Variants in KCNK9 observed in about 807,000 individuals in gnomAD.
KCNK9 encodes potassium two pore domain channel subfamily K member 9.
KCNK9 carries 1 observed loss-of-function variant against 10.8 expected under a neutral mutation model. The ratio of observed to expected loss-of-function variants is 0.09; its 90% CI spans 0.03 to 0.44. The LOEUF is 0.44. KCNK9 is among the 20% of genes least tolerant of loss of function. The pLI, the probability that KCNK9 is intolerant of heterozygous loss-of-function variation, is 0.97. For missense variants in KCNK9, 303 were observed against 515.0 expected (o/e 0.59, Z 3.98); for synonymous variants, 231 against 222.7 (o/e 1.04, Z -0.33).
chr8:139,609,655 T>C (rs1031180282), downstream of KCNK9, among the ~76,000 whole-genome samples: 4 of 152,206 alleles, frequency 2.6e-5, no homozygotes, highest in Non-Finnish European at 4.4e-5. Flanking sequence ...GGGCACCTCA[T>C]GTGGTGAGGA....
At chr8:139,631,387 C>A (rs1815167270) in intron 1 of KCNK9, among the ~76,000 whole-genome samples, 1 of 152,224 alleles carries the variant, frequency 6.6e-6, no homozygotes, top group Admixed American at 6.5e-5. Flanking sequence ...GGTATTCTCT[C>A]TGTGGCACGG....
At chr8:139,700,750 C>T (rs1817199629) in intron 1 of KCNK9, among the ~76,000 whole-genome samples, 1 of 152,156 alleles carries the variant, frequency 6.6e-6, no homozygotes, top group African/African-American at 2.4e-5. Context: ...GAGTTTTAAC[C>T]GTTACAGGCA....
intron 1 of KCNK9, among the ~76,000 whole-genome samples, chr8:139,676,515 G>C (rs911454653): frequency 3.3e-5 from 5 of 152,226 alleles, no homozygotes; most frequent in African/African-American, 7.2e-5. Context: ...TGAGAAGTTT[G>C]TCCTCAAAGG....
downstream of KCNK9, among the ~76,000 whole-genome samples, chr8:139,607,680 A>G (rs1814274317): frequency 6.6e-6 from 1 of 152,206 alleles, no homozygotes. Context: ...GAGGGAGTCT[A>G]CAGAACTAAT....
chr8:139,674,124 G>A (rs1250335590), intron 1 of KCNK9, among the ~76,000 whole-genome samples: 1 of 152,192 alleles, frequency 6.6e-6, no homozygotes, highest in Non-Finnish European at 1.5e-5. Flanking sequence ...GAGTTCTTAT[G>A]TTGAAGCCCT....
Position 139,703,070 on chromosome 8 carries a change from G to GGCCGCCGCCGCCTCCTCCTCCGCCGCC in KCNK9, c.-105_-79dup, listed in dbSNP as rs1347908654. ...CGCGCGTCCCACTGCAGCGCCCGGC[G>GGCCGCCGCCGCCTCCTCCTCCGCCGCC]GCCGCCGCCGCCTCCTCCTCCGCCG... On this transcript the variant is annotated 5_prime_UTR_variant, in exon 1 of 2. Coordinates refer to ENST00000520439, the MANE Select transcript of KCNK9 (RefSeq NM_001282534.2). This position sits in a 1 kb window ranked among gnomAD's most constrained non-coding sequence, Gnocchi z 6.4. 1.2e-5 allele frequency: 15 copies of GGCCGCCGCCGCCTCCTCCTCCGCCGCC among 1,265,724 alleles called. No individual in the cohort carries two copies. In the African/African-American group the frequency reaches 1.6e-4, roughly 13 times the overall value. 78.4% of individuals were successfully genotyped at this position (1,265,724 alleles called of 1,614,324 possible). A position where few individuals can be genotyped will look rare whatever the true frequency, so the allele number is the denominator to read the frequency against.
intron 1 of KCNK9, among the ~76,000 whole-genome samples, chr8:139,643,550 C>T (rs556947665): frequency 5.8e-4 from 89 of 152,326 alleles, no homozygotes; most frequent in Non-Finnish European, 9.4e-4. Flanking sequence ...GGCCAAGGGG[C>T]GGGCCTAGGG....
At chr8:139,670,955 G>A (rs950460817) in intron 1 of KCNK9, among the ~76,000 whole-genome samples, 27 of 152,248 alleles carry the variant, frequency 1.8e-4, no homozygotes, top group African/African-American at 4.6e-4. Context: ...GGCCTGTGAC[G>A]CGCACCTGCA....
intron 1 of KCNK9, 141 bp from the exon 2 acceptor site, chr8:139,619,240 G>C: frequency 1.1e-6 from 1 of 920,300 alleles, no homozygotes; most frequent in Non-Finnish European, 1.6e-6. Context: ...AGGGTAGAGG[G>C]GCGTGGCCAT....
intron 1 of KCNK9, among the ~76,000 whole-genome samples, chr8:139,697,986 C>CTAGTAGGCCCTT (rs1817103827): frequency 6.6e-6 from 1 of 152,132 alleles, no homozygotes; most frequent in Admixed American, 6.5e-5. Flanking sequence ...TCCTCTGGGC[C>CTAGTAGGCCCTT]CACCCCATGG....
At chr8:139,641,612 G>T in intron 1 of KCNK9, among the ~76,000 whole-genome samples, 1 of 124,938 alleles carries the variant, frequency 8.0e-6, no homozygotes, top group Non-Finnish European at 1.7e-5. Context: ...CTCCCGCTCT[G>T]CCCCAGCGCT....
rs540174765 is a variant in KCNK9 at position 139,644,446 on chromosome 8, G to A, written c.284-25347C>T. 4.6e-5 allele frequency among the ~76,000 whole-genome samples: 7 copies of A among 152,250 alleles called. No homozygotes were observed. The South Asian group carries it at 6.2e-4, about 14-fold the overall frequency. ...GACCCATTAATGGATCACAGCCCAC[G>A]GCTGAAACCATATTCCAGGGTAGGG... On this transcript the variant is annotated intron_variant, in intron 1 of 1. Transcript: ENST00000520439.
At chr8:139,625,528 C>A (rs1221634490) in intron 1 of KCNK9, among the ~76,000 whole-genome samples, 2 of 152,168 alleles carry the variant, frequency 1.3e-5, no homozygotes, top group Non-Finnish European at 2.9e-5. Flanking sequence ...TCTTCCCAGG[C>A]CTGCCTGGAA....
chr8:139,632,874 A>G (rs180766257), intron 1 of KCNK9, among the ~76,000 whole-genome samples: 329 of 152,334 alleles, frequency 2.2e-3, no homozygotes, highest in African/African-American at 7.4e-3. Flanking sequence ...CACCTAGCTC[A>G]TAACATGTAC....
At chr8:139,633,601 T>G (rs1485014172) in intron 1 of KCNK9, among the ~76,000 whole-genome samples, 2 of 152,118 alleles carry the variant, frequency 1.3e-5, no homozygotes, top group Admixed American at 1.3e-4. Context: ...CACTCAGACA[T>G]GTACATACGC....
chr8:139,678,617 G>A (rs984864857), intron 1 of KCNK9, among the ~76,000 whole-genome samples: 1 of 152,256 alleles, frequency 6.6e-6, no homozygotes, highest in Admixed American at 6.5e-5. Flanking sequence ...GAAAGTCCTG[G>A]ATGCAGCCTC....
At chr8:139,672,297 T>A (rs1219376683) in intron 1 of KCNK9, among the ~76,000 whole-genome samples, 1 of 152,104 alleles carries the variant, frequency 6.6e-6, no homozygotes, top group Non-Finnish European at 1.5e-5. Flanking sequence ...AACGATTCCT[T>A]CCTTGGACTG....
chr8:139,638,221 C>T (rs750087879), intron 1 of KCNK9, among the ~76,000 whole-genome samples: 1 of 152,042 alleles, frequency 6.6e-6, no homozygotes, highest in African/African-American at 2.4e-5. Flanking sequence ...GAAGACATGA[C>T]ATGGATAAGT....
chr8:139,672,684 CCTCT>C (rs1264240619), intron 1 of KCNK9, among the ~76,000 whole-genome samples: 4 of 152,228 alleles, frequency 2.6e-5, no homozygotes, highest in African/African-American at 9.6e-5. Context: ...CGTGGGGGAG[CCTCT>C]CTGTCTACAG....
Sources: allele counts gnomAD v4.1 joint callset (sites outside exome capture counted in the v4.1 genomes callset), GRCh38; gene constraint gnomAD v4.1.1; non-coding constraint Gnocchi (gnomAD v3.1); transcripts MANE v1.5; gene names NCBI Gene and HGNC (gene_info 2026-07-23, HGNC 2026-07-21).